KDM6A: variants seen among roughly 807,000 people sequenced by gnomAD.
KDM6A encodes lysine-specific demethylase 6A.
KDM6A carries 11 observed loss-of-function variants against 117.6 expected under a neutral mutation model. The ratio of observed to expected loss-of-function variants is 0.09; its 90% CI spans 0.06 to 0.15. The LOEUF (loss-of-function observed/expected upper bound fraction) is 0.15. KDM6A is among the 10% of genes least tolerant of loss of function. The probability of loss-of-function intolerance (pLI) is 1.00; values close to 1 mark genes in which losing one functional copy is unlikely to be tolerated. For synonymous variants in KDM6A, 384 were observed against 396.1 expected, an observed-to-expected ratio of 0.97 and a Z score of 0.36; for missense variants, 799 against 1,077.3, an observed-to-expected ratio of 0.74 and a Z score of 3.62.
chrX:44,899,035 G>GTGTGTGTGTGTT (rs2034130377), intron 2 of KDM6A, among the ~76,000 whole-genome samples: 2 of 100,938 alleles, frequency 2.0e-5, no homozygotes, highest in African/African-American at 7.5e-5. Context: ...GTGTGTGTGT[G>GTGTGTGTGTGTT]TGTTTGTTTG....
At chrX:45,084,724 C>T (rs2045573688) in intron 24 of KDM6A, among the ~76,000 whole-genome samples, 1 of 110,998 alleles carries the variant, frequency 9.0e-6, no homozygotes, top group African/African-American at 3.3e-5. Flanking sequence ...CTCCTGGGCT[C>T]AAGCAATTCT....
chrX:44,924,744 A>G (rs191359035), intron 2 of KDM6A, among the ~76,000 whole-genome samples: 20 of 109,275 alleles, frequency 1.8e-4, no homozygotes, highest in African/African-American at 6.3e-4. Flanking sequence ...GCTGGAGTGC[A>G]GTGGCACGAT....
chrX:44,890,719 A>G (rs1296702139), intron 2 of KDM6A, among the ~76,000 whole-genome samples: 2 of 85,745 alleles, frequency 2.3e-5, no homozygotes, highest in African/African-American at 9.4e-5. Flanking sequence ...CAGTGGCGCG[A>G]TCTCGGCTCA....
intron 2 of KDM6A, among the ~76,000 whole-genome samples, chrX:44,882,063 A>G (rs765125590): frequency 3.6e-5 from 4 of 111,710 alleles, no homozygotes; most frequent in Admixed American, 2.9e-4. Flanking sequence ...TTGGGGTTAT[A>G]CTTAAGGGTA....
At chrX:44,884,472 A>G (rs1422143212) in intron 2 of KDM6A, among the ~76,000 whole-genome samples, 2 of 111,936 alleles carry the variant, frequency 1.8e-5, no homozygotes, top group African/African-American at 6.5e-5. Context: ...TGGGCAAGCA[A>G]GCATCTTTCA....
intron 8 of KDM6A, among the ~76,000 whole-genome samples, chrX:45,042,608 A>G (rs145020253): frequency 0.018 from 2,033 of 111,608 alleles, 14 homozygotes; most frequent in Non-Finnish European, 0.024. Flanking sequence ...GGCTACTGCT[A>G]GGTAAACAAT....
intron 2 of KDM6A, among the ~76,000 whole-genome samples, chrX:44,896,572 A>G (rs1293809342): frequency 9.2e-6 from 1 of 109,094 alleles, no homozygotes; most frequent in African/African-American, 3.3e-5. Flanking sequence ...TACCTATTCC[A>G]AAGTTCTTTT....
intron 6 of KDM6A, among the ~76,000 whole-genome samples, chrX:45,027,795 A>C (rs1388466786): frequency 1.9e-5 from 2 of 103,013 alleles, no homozygotes; most frequent in African/African-American, 7.5e-5. Flanking sequence ...GTTTTTTGGT[A>C]CTTTTTTTTT....
At chrX:45,078,343 A>G in intron 19 of KDM6A, 57 bp from the exon 20 acceptor site, 2 of 1,052,047 alleles carry the variant, frequency 1.9e-6, no homozygotes, top group South Asian at 3.9e-5. Context: ...TTGGAGCATA[A>G]TATTTAAATA....
At chrX:44,988,415 A>T (rs2040372566) in intron 4 of KDM6A, among the ~76,000 whole-genome samples, 1 of 111,407 alleles carries the variant, frequency 9.0e-6, no homozygotes, top group African/African-American at 3.3e-5. Flanking sequence ...CAACTCGTTG[A>T]AGTCATTCTC....
chrX:44,915,085 A>G (rs371184545), intron 2 of KDM6A, among the ~76,000 whole-genome samples: 28 of 111,404 alleles, frequency 2.5e-4, no homozygotes, highest in East Asian at 8.4e-4. Context: ...CTAAGCATTG[A>G]CCCTAGCTCC....
Position 45,062,126 on chromosome X carries a change from A to G in KDM6A, c.1582-521A>G, listed in dbSNP as rs755584700. Among the ~76,000 whole-genome samples the G allele has an allele frequency of 1.7e-4, 19 of 110,859 alleles. 1 individual carries two copies. Among genetic ancestry groups the G allele is most frequent in the Non-Finnish European group, 3.4e-4 (18 of 52,979 alleles). On this transcript the variant is annotated intron_variant, in intron 15 of 29. Transcript: ENST00000611820. The stretch of plus-strand genomic sequence containing the variant: ...TTATTATTTTTCTTCTTTTTTACAC[A>G]AATGATAGGATTCTTATTTGCTGTT...
chrX:44,887,989 C>T (rs1419093980), intron 2 of KDM6A, among the ~76,000 whole-genome samples: 2 of 110,716 alleles, frequency 1.8e-5, no homozygotes, highest in South Asian at 3.8e-4. Context: ...AGTGAGACTC[C>T]GTCTCTTTAA....
At chrX:44,954,294 G>A (rs954474715) in intron 2 of KDM6A, among the ~76,000 whole-genome samples, 6 of 111,139 alleles carry the variant, frequency 5.4e-5, no homozygotes, top group African/African-American at 2.0e-4. Context: ...TTTCTGGAAA[G>A]GATATCAAGT....
chrX:44,888,906 C>T (rs977875913), intron 2 of KDM6A, among the ~76,000 whole-genome samples: 5 of 111,924 alleles, frequency 4.5e-5, no homozygotes, highest in Non-Finnish European at 9.4e-5. Flanking sequence ...ATATTAGGTA[C>T]TGGGCATGTA....
chrX:44,989,384 C>T (rs1452957746), intron 4 of KDM6A, among the ~76,000 whole-genome samples: 1 of 107,626 alleles, frequency 9.3e-6, no homozygotes, highest in Non-Finnish European at 1.9e-5. Flanking sequence ...CTTCGGCTCA[C>T]GCTCAGTGGG....
intron 2 of KDM6A, among the ~76,000 whole-genome samples, chrX:44,884,124 AAAAAG>A (rs1253177048): frequency 1.4e-4 from 15 of 108,534 alleles, no homozygotes; most frequent in African/African-American, 5.0e-4. Context: ...AAAAAAAAAA[AAAAAG>A]AGTTAGAGGT....
At chrX:45,059,202 C>A in intron 11 of KDM6A, 45 bp from the exon 12 acceptor site, 3 of 1,184,956 alleles carry the variant, frequency 2.5e-6, no homozygotes, top group Non-Finnish European at 3.4e-6. Flanking sequence ...TAAAACCAAG[C>A]AGTTCTTCTG....
At position 45,110,627 on chromosome X, in the gene KDM6A, A is replaced by C. The variant is rs138986243; in HGVS notation, c.4332+378A>C. ...TGAATCAGTAAGTGTGCTTTTAAAT[A>C]TACTTCTGCTTTTAGAGCTAATTGT... On this transcript the variant is annotated intron_variant, in intron 29 of 29. Coordinates refer to ENST00000611820, the MANE Select transcript of KDM6A (RefSeq NM_001291415.2). Among the ~76,000 whole-genome samples, 968 of 112,107 alleles carry C rather than the reference A, an allele frequency of 8.6e-3. 10 individuals are homozygous for C. The highest frequency in any genetic ancestry group is 0.03 in the African/African-American group (915 of 30,881).
Sources: gnomAD v4.1 joint callset for allele counts (sites outside exome capture counted in the v4.1 genomes callset) on GRCh38, gnomAD v4.1.1 for gene constraint, MANE v1.5 for transcripts, NCBI Gene and HGNC (gene_info 2026-07-23, HGNC 2026-07-21) for gene names.